The following TLCD5 variants were observed in gnomAD, a reference collection of about 807,000 sequenced individuals.
TLCD5 encodes the protein TLC domain-containing protein 5.
In TLCD5, 15 loss-of-function variants were observed where a neutral mutation model predicts 20.5. The ratio of observed to expected loss-of-function variants is 0.73; its 90% CI spans 0.49 to 1.13. The LOEUF (loss-of-function observed/expected upper bound fraction) is 1.13. TLCD5 is among the 50% of genes most tolerant of loss of function. The pLI is 0.00. For synonymous variants in TLCD5, 107 were observed against 114.7 expected, an observed-to-expected ratio of 0.93 and a Z score of 0.43; for missense variants, 289 against 305.6, an observed-to-expected ratio of 0.95 and a Z score of 0.41.
chr11:120,327,179 G>GCCTA (rs1252215207), intron 1 of TLCD5: 1 of 600,362 alleles, frequency 1.7e-6, no homozygotes, highest in African/African-American at 1.9e-5. Flanking sequence ...TGTGATGTCA[G>GCCTA]CCTACCAGCT....
At chr11:120,329,081 TG>T in intron 2 of TLCD5, among the ~76,000 whole-genome samples, 2 of 88,232 alleles carry the variant, frequency 2.3e-5, no homozygotes, top group African/African-American at 1.7e-4. Flanking sequence ...ACAGTCATAT[TG>T]TGTGTGTGTG....
intron 2 of TLCD5, among the ~76,000 whole-genome samples, chr11:120,328,952 A>T (rs202208674): frequency 0.012 from 305 of 25,720 alleles, 1 homozygote; most frequent in South Asian, 0.027. Flanking sequence ...GTGTTTGTGT[A>T]TGTTTATGTA....
At position 120,330,087 on chromosome 11, in the gene TLCD5, G is replaced by T; in HGVS notation, c.310G>T (p.Ala104Ser). Residue 104 changes from alanine to serine, a missense_variant, in exon 3 of 3, where the codon GCT becomes TCT. Transcript: ENST00000375095. ...TCAGTCTGAGGGTGCCTTGATGCTGGCTCATCACACATTGAGTATCTTGGG... is the reference window on the plus strand; with the variant it reads ...TCAGTCTGAGGGTGCCTTGATGCTGTCTCATCACACATTGAGTATCTTGGG... ...YFQSEGALML[A>S]HHTLSILGII... The T allele has an allele frequency of 6.2e-7, 1 of 1,614,164 alleles. No individual in the cohort carries two copies. The highest frequency in any genetic ancestry group is 8.5e-7 in the Non-Finnish European group (1 of 1,180,034).
Position 120,331,559 on chromosome 11 carries a change from C to T in TLCD5, c.*1044C>T, listed in dbSNP as rs1294003081. The T allele has an allele frequency of 1.3e-5, 2 of 152,400 alleles. No individual in the cohort carries two copies. The highest frequency in any genetic ancestry group is 1.3e-4 in the Admixed American group (2 of 15,300). The allele number at this position is 152,400 out of a possible 1,614,324, so 9.4% of individuals were successfully genotyped here. ...TCTTATCAGTTAATTGTGGGAGCCCCTCCAAAATCTAAGTTCCCAAATGCC... is the reference window on the plus strand; with the variant it reads ...TCTTATCAGTTAATTGTGGGAGCCCTTCCAAAATCTAAGTTCCCAAATGCC... On this transcript the variant is annotated 3_prime_UTR_variant, in exon 3 of 3. Coordinates refer to ENST00000375095, the MANE Select transcript of TLCD5 (RefSeq NM_001198671.2). This position sits in a 1 kb window ranked among gnomAD's most constrained non-coding sequence, Gnocchi z 4.5.
rs1229334905 is a variant in TLCD5, at chr11:120,330,536, T to C, written c.*21T>C. The C allele has an allele frequency of 6.3e-7, 1 of 1,591,280 alleles. No individual in the cohort carries two copies. Reference sequence around the variant, plus strand: ...ACTAGCCAAGGCTTGCTCCAGATTATGGATTGGGTTAAGTCAGCCATGGGA... The same window carrying C: ...ACTAGCCAAGGCTTGCTCCAGATTACGGATTGGGTTAAGTCAGCCATGGGA... On this transcript the variant is annotated 3_prime_UTR_variant, in exon 3 of 3. Coordinates refer to ENST00000375095, the MANE Select transcript of TLCD5 (RefSeq NM_001198671.2).
chr11:120,328,887 G>T (rs1942075512), intron 2 of TLCD5, among the ~76,000 whole-genome samples: 1 of 140,118 alleles, frequency 7.1e-6, no homozygotes, highest in Admixed American at 7.2e-5. Context: ...GCATATCTGT[G>T]TCCTAATCCC....
chr11:120,328,280 A>G (rs962540346), intron 2 of TLCD5, among the ~76,000 whole-genome samples: 1 of 152,000 alleles, frequency 6.6e-6, no homozygotes, highest in Non-Finnish European at 1.5e-5. Context: ...ATGGGGTTTC[A>G]CTGTGTTAGT....
At chr11:120,329,416 A>G (rs1942099414) in intron 2 of TLCD5, among the ~76,000 whole-genome samples, 1 of 152,186 alleles carries the variant, frequency 6.6e-6, no homozygotes, top group South Asian at 2.1e-4. Context: ...TTATGTGAAG[A>G]TTCTAAATGG....
rs1417635854 is a variant in TLCD5, at chr11:120,332,171, T to C, written c.*1656T>C. 1 of 152,214 alleles carries C rather than the reference T, an allele frequency of 6.6e-6. No homozygotes were observed. The highest frequency in any genetic ancestry group is 1.5e-5 in the Non-Finnish European group (1 of 68,034). The allele number at this position is 152,214 out of a possible 1,614,324, so 9.4% of individuals were successfully genotyped here. A position where few individuals can be genotyped will look rare whatever the true frequency, so the allele number is the denominator to read the frequency against. ...CCTGGGTTCTTTTAACTAATTTTGC[T>C]ACTCACTTGCCACTTTGGAGAGCTA... On this transcript the variant is annotated 3_prime_UTR_variant, in exon 3 of 3. Coordinates refer to ENST00000375095, the MANE Select transcript of TLCD5 (RefSeq NM_001198671.2). This position sits in a 1 kb window ranked among gnomAD's most constrained non-coding sequence, Gnocchi z 4.2.
At chr11:120,325,673 A>G (rs1186473631) in intron 1 of TLCD5, among the ~76,000 whole-genome samples, 1 of 152,110 alleles carries the variant, frequency 6.6e-6, no homozygotes, top group South Asian at 2.1e-4. Context: ...GCCTGCTCCA[A>G]GGCTCCTCCT....
rs1300171737 is a variant in TLCD5 at position 120,332,834 on chromosome 11, A to C, written c.*2319A>C. ...GTGTGAGCCACCGTGCCCAGCCATG[A>C]GCGGTCTTGAAAATGAAAAATGGTC... On this transcript the variant is annotated 3_prime_UTR_variant, in exon 3 of 3. Coordinates refer to ENST00000375095, the MANE Select transcript of TLCD5 (RefSeq NM_001198671.2). This position sits in a 1 kb window ranked among gnomAD's most constrained non-coding sequence, Gnocchi z 4.2. 6.6e-6 allele frequency: 1 copy of C among 152,254 alleles called. No individual in the cohort carries two copies. Among genetic ancestry groups the C allele is most frequent in the Non-Finnish European group, 1.5e-5 (1 of 68,184 alleles). 9.4% of individuals were successfully genotyped at this position (152,254 alleles called of 1,614,324 possible). A position where few individuals can be genotyped will look rare whatever the true frequency, so the allele number is the denominator to read the frequency against.
Position 120,330,752 on chromosome 11 carries a change from C to A in TLCD5, c.*237C>A. On this transcript the variant is annotated 3_prime_UTR_variant, in exon 3 of 3. Coordinates refer to ENST00000375095, the MANE Select transcript of TLCD5 (RefSeq NM_001198671.2). The stretch of plus-strand genomic sequence containing the variant: ...CATGGTAGTTGGGAATAAGTGAGAA[C>A]TGTGAAGTGAGTACAACTGGCATTT... 2.2e-6 allele frequency: 1 copy of A among 449,668 alleles called. No individual in the cohort carries two copies. Among genetic ancestry groups the A allele is most frequent in the Non-Finnish European group, 3.9e-6 (1 of 255,762 alleles). 27.9% of individuals were successfully genotyped at this position (449,668 alleles called of 1,614,324 possible).
rs761431514 is a variant in TLCD5, at chr11:120,327,616, G to A, written c.175G>A (p.Gly59Ser). ...GLSAYIGFIDGPWPFTHPGSP... is the reference protein window; with the variant it reads ...GLSAYIGFIDSPWPFTHPGSP... ...CTCCGCTTATATTGGCTTCATTGAT[G>A]GCCCATGGCCTTTTACCCACCCAGG... Residue 59 changes from glycine to serine, a missense_variant, in exon 2 of 3, where the codon GGC (glycine) becomes AGC (serine). By Grantham distance (56) the Gly-to-Ser change is moderately conservative. Coordinates refer to ENST00000375095, the MANE Select transcript of TLCD5 (RefSeq NM_001198671.2). 1.9e-6 allele frequency: 3 copies of A among 1,613,630 alleles called. No homozygotes were observed. Among genetic ancestry groups the A allele is most frequent in the Non-Finnish European group, 1.7e-6 (2 of 1,179,870 alleles).
Position 120,327,492 on chromosome 11 carries a change from C to G in TLCD5, c.51C>G (p.Leu17=), listed in dbSNP as rs761908611. The G allele has an allele frequency of 2.2e-5, 36 of 1,614,032 alleles. No individual in the cohort carries two copies. The Admixed American group carries it at 6.0e-4, about 27-fold the overall frequency. ...TGCTGTGCAGCCTGTGTGGCTGGCT[C>G]TCGCTCTATATTTCTTTCTGCCACC... ...LQVLCSLCGW[L]SLYISFCHLN... is the part of the protein sequence containing the mutation. Residue 17 remains leucine, a synonymous_variant, in exon 2 of 3, where the codon CTC becomes CTG. Coordinates refer to ENST00000375095, the MANE Select transcript of TLCD5 (RefSeq NM_001198671.2).
chr11:120,325,830 G>C (rs887140997), intron 1 of TLCD5, among the ~76,000 whole-genome samples: 1 of 152,260 alleles, frequency 6.6e-6, no homozygotes, highest in African/African-American at 2.4e-5. Context: ...AGGTCACAGA[G>C]TTGTGTCTGC....
At chr11:120,327,383 A>G (rs1591457020) in intron 1 of TLCD5, 58 bp from the exon 2 acceptor site, 1 of 1,613,454 alleles carries the variant, frequency 6.2e-7, no homozygotes. Flanking sequence ...AAAATGACCC[A>G]GTGCTGTTTT....
Position 120,330,573 on chromosome 11 carries a change from A to C in TLCD5, c.*58A>C. ...AGTCAGCCATGGGAACCAGGTTGGA[A>C]ATATGACTGTTACATAATTACACTT... On this transcript the variant is annotated 3_prime_UTR_variant, in exon 3 of 3. Transcript: ENST00000375095. The C allele has an allele frequency of 6.5e-7, 1 of 1,530,744 alleles. No individual in the cohort carries two copies. Among genetic ancestry groups the C allele is most frequent in the Middle Eastern group, 2.4e-4 (1 of 4,152 alleles). 94.8% of individuals were successfully genotyped at this position (1,530,744 alleles called of 1,614,324 possible).
chr11:120,327,552 C>T lies in TLCD5; in HGVS notation c.111C>T (p.Arg37=). Residue 37 remains arginine, a synonymous_variant, in exon 2 of 3, where the codon CGC becomes CGT. Coordinates refer to ENST00000375095, the MANE Select transcript of TLCD5 (RefSeq NM_001198671.2). ...NKHRSYEWSC[R]LVTFTHGVLS... ...ACCGAAGCTATGAGTGGAGCTGCCG[C>T]CTGGTCACCTTCACCCATGGAGTCC... 2 of 1,614,180 alleles carry T rather than the reference C, an allele frequency of 1.2e-6. No homozygotes were observed. The highest frequency in any genetic ancestry group is 1.7e-6 in the Non-Finnish European group (2 of 1,180,026).
chr11:120,327,898 GT>G (rs1942038666), intron 2 of TLCD5, among the ~76,000 whole-genome samples: 2 of 152,112 alleles, frequency 1.3e-5, no homozygotes, highest in Admixed American at 1.3e-4. Flanking sequence ...TATAAAGCCA[GT>G]ATCAACATCT....
Sources: gnomAD v4.1 joint callset for allele counts (sites outside exome capture counted in the v4.1 genomes callset) on GRCh38, gnomAD v4.1.1 for gene constraint, Gnocchi (gnomAD v3.1) non-coding constraint, MANE v1.5 for transcripts, NCBI Gene and HGNC (gene_info 2026-07-23, HGNC 2026-07-21) for gene names.